The following CFH variants were observed in gnomAD, a reference collection of about 807,000 sequenced individuals.
The protein encoded by CFH is H factor 1 (complement).
CFH carries 53 observed loss-of-function variants against 147.3 expected under a neutral mutation model. That is an observed-to-expected ratio of 0.36 (90% confidence interval 0.29 to 0.45). The LOEUF (loss-of-function observed/expected upper bound fraction) is 0.45, where lower values mean the gene tolerates loss of function less well. CFH is among the 20% of genes least tolerant of loss of function. CFH has a pLI of 1.00. For synonymous variants in CFH, 536 were observed against 489.4 expected (o/e 1.10, Z -1.26); for missense variants, 1,380 against 1,498.0 (o/e 0.92, Z 1.30).
rs1573087648 is a variant in CFH at position 196,747,416 on chromosome 1, A to C, written c.*103A>C. The C allele has an allele frequency of 2.8e-6, 4 of 1,422,256 alleles. No homozygotes were observed. The East Asian group carries it at 9.8e-5, about 35-fold the overall frequency. 88.1% of individuals were successfully genotyped at this position (1,422,256 alleles called of 1,614,324 possible). On this transcript the variant is annotated 3_prime_UTR_variant, in exon 22 of 22. Coordinates refer to ENST00000367429, the MANE Select transcript of CFH (RefSeq NM_000186.4). ...TTTACTCCTTTTTATTCATACGTAAAATTTTGGATTAATTTGTGAAAATGT... is the reference window on the plus strand; with the variant it reads ...TTTACTCCTTTTTATTCATACGTAACATTTTGGATTAATTTGTGAAAATGT...
chr1:196,695,022 G>A (rs1256042141), intron 9 of CFH, among the ~76,000 whole-genome samples: 1 of 152,144 alleles, frequency 6.6e-6, no homozygotes, highest in African/African-American at 2.4e-5. Flanking sequence ...GATCCCATTT[G>A]TCAATTTTGG....
intron 15 of CFH, among the ~76,000 whole-genome samples, chr1:196,731,722 C>T (rs1249816409): frequency 2.0e-5 from 3 of 151,904 alleles, no homozygotes; most frequent in Admixed American, 6.6e-5. Flanking sequence ...TCTCAGAAAG[C>T]CTTTATCACT....
In CFH at chr1:196,660,203, AG is replaced by A. The variant is rs987760148; in HGVS notation, c.58+8029del. On this transcript the variant is annotated intron_variant, in intron 1 of 21. Coordinates refer to ENST00000367429, the MANE Select transcript of CFH (RefSeq NM_000186.4). ...AGAAATCTGTCGTAAAATTATTCTAAGAGGAGGAAATAACCCGTGTAAAGGA... is the reference window on the plus strand; with the variant it reads ...AGAAATCTGTCGTAAAATTATTCTAAAGGAGGAAATAACCCGTGTAAAGGA... Among the ~76,000 whole-genome samples the A allele has an allele frequency of 5.3e-5, 8 of 152,322 alleles. No homozygotes were observed. The South Asian group carries it at 1.7e-3, about 32-fold the overall frequency.
At chr1:196,697,048 A>G (rs1668296495) in intron 9 of CFH, among the ~76,000 whole-genome samples, 2 of 152,226 alleles carry the variant, frequency 1.3e-5, no homozygotes, top group African/African-American at 4.8e-5. Flanking sequence ...AAACCATAAA[A>G]ACCCTAGAAG....
At chr1:196,695,015 C>T (rs1329058948) in intron 9 of CFH, among the ~76,000 whole-genome samples, 2 of 152,140 alleles carry the variant, frequency 1.3e-5, no homozygotes, top group African/African-American at 4.8e-5. Context: ...TTAATTAGAT[C>T]CCATTTGTCA....
intron 11 of CFH, among the ~76,000 whole-genome samples, chr1:196,721,490 G>T (rs1027414947): frequency 1.2e-4 from 18 of 151,950 alleles, no homozygotes; most frequent in African/African-American, 4.3e-4. Flanking sequence ...GTCTATTTTG[G>T]AGAATGTTCC....
chr1:196,676,394 A>G (rs1667453558), intron 4 of CFH, among the ~76,000 whole-genome samples: 4 of 152,062 alleles, frequency 2.6e-5, no homozygotes, highest in African/African-American at 4.8e-5. Flanking sequence ...TGCCTTTATT[A>G]ATGAAGAAGA....
At position 196,747,243 on chromosome 1, in the gene CFH, C is replaced by G; in HGVS notation, c.3626C>G (p.Ser1209Ter). 1 of 1,613,974 alleles carries G rather than the reference C, an allele frequency of 6.2e-7. No homozygotes were observed. Residue 1209 changes from serine (S) to a stop codon, truncating the protein, a stop_gained, in exon 22 of 22, where the codon TCA becomes TGA. Coordinates refer to ENST00000367429, the MANE Select transcript of CFH (RefSeq NM_000186.4). LOFTEE classifies it low-confidence loss of function (END_TRUNC). ...FVCKRGYRLS[S>*]RSHTLRTTCW... Reference sequence around the variant, plus strand: ...TGTAAACGGGGATATCGTCTTTCATCACGTTCTCACACATTGCGAACAACA... The same window carrying G: ...TGTAAACGGGGATATCGTCTTTCATGACGTTCTCACACATTGCGAACAACA...
chr1:196,685,318 C>A, intron 7 of CFH, 81 bp downstream of exon 7: 2 of 1,387,634 alleles, frequency 1.4e-6, no homozygotes, highest in Non-Finnish European at 1.0e-6. Context: ...CTCAATAAAA[C>A]CAAATATTTG....
At chr1:196,746,918 T>A (rs1369273970) in intron 21 of CFH, among the ~76,000 whole-genome samples, 193 bp from the exon 22 acceptor site, 5 of 152,148 alleles carry the variant, frequency 3.3e-5, no homozygotes, top group African/African-American at 1.2e-4. Context: ...ACATTAAACA[T>A]CGAACCTCAT....
chr1:196,654,790 A>T (rs755614776), intron 1 of CFH, among the ~76,000 whole-genome samples: 1 of 152,184 alleles, frequency 6.6e-6, no homozygotes, highest in East Asian at 1.9e-4. Flanking sequence ...TTCAGGTCCC[A>T]GAAGACTTTA....
intron 1 of CFH, among the ~76,000 whole-genome samples, chr1:196,659,902 T>C (rs1666845497): frequency 6.6e-6 from 1 of 152,182 alleles, no homozygotes; most frequent in Non-Finnish European, 1.5e-5. Flanking sequence ...TTAATGAAAA[T>C]TCTTCCACGA....
At chr1:196,689,649 A>G (rs763089430) in intron 8 of CFH, 35 bp downstream of exon 8, 14 of 1,604,674 alleles carry the variant, frequency 8.7e-6, no homozygotes, top group African/African-American at 1.3e-5. Flanking sequence ...ATATATGTAT[A>G]AAACTTTCAA....
chr1:196,676,527 C>T (rs1667461150), intron 4 of CFH, among the ~76,000 whole-genome samples: 2 of 151,992 alleles, frequency 1.3e-5, no homozygotes, highest in Admixed American at 6.6e-5. Flanking sequence ...GAGGAATAAA[C>T]TAAGGGCGAG....
intron 9 of CFH, among the ~76,000 whole-genome samples, chr1:196,704,449 C>T (rs1222510127): frequency 6.6e-6 from 1 of 152,174 alleles, no homozygotes; most frequent in Non-Finnish European, 1.5e-5. Flanking sequence ...ATTACTTTTT[C>T]TCTGAGATGA....
At chr1:196,696,987 CT>C (rs1456522826) in intron 9 of CFH, among the ~76,000 whole-genome samples, 1 of 152,120 alleles carries the variant, frequency 6.6e-6, no homozygotes, top group African/African-American at 2.4e-5. Flanking sequence ...TTCGTTACAC[CT>C]TATACTAAAA....
chr1:196,701,476 C>A, intron 9 of CFH: 2 of 1,246,706 alleles, frequency 1.6e-6, no homozygotes, highest in Non-Finnish European at 2.3e-6. Context: ...TGTATTATTC[C>A]AGCCAGAATG....
chr1:196,712,703 T>C (rs1318672659), intron 9 of CFH, among the ~76,000 whole-genome samples: 2 of 151,242 alleles, frequency 1.3e-5, no homozygotes, highest in African/African-American at 4.9e-5. Context: ...GCCATGCTGG[T>C]GTGCTGCACC....
At chr1:196,663,464 A>G (rs1326448416) in intron 1 of CFH, among the ~76,000 whole-genome samples, 1 of 152,220 alleles carries the variant, frequency 6.6e-6, no homozygotes, top group African/African-American at 2.4e-5. Context: ...CTCAGATATC[A>G]TTAGTCAAAC....
Sources: allele counts gnomAD v4.1 joint callset (sites outside exome capture counted in the v4.1 genomes callset), GRCh38; gene constraint gnomAD v4.1.1; transcripts MANE v1.5; gene names NCBI Gene and HGNC (gene_info 2026-07-23, HGNC 2026-07-21).